The following ADAM7 variants were observed in gnomAD, a reference collection of about 807,000 sequenced individuals.
ADAM7 encodes disintegrin and metalloproteinase domain-containing protein 7.
A neutral mutation model predicts 102.9 loss-of-function variants in ADAM7; 97 were observed. That is an observed-to-expected ratio of 0.94 (90% CI 0.80 to 1.12). ADAM7 has a LOEUF of 1.12. Ranked by LOEUF, ADAM7 falls within the 50% of genes most tolerant of loss-of-function variation. The probability of loss-of-function intolerance (pLI) is 0.00; values close to 1 mark genes in which losing one functional copy is unlikely to be tolerated. For missense variants in ADAM7, 991 were observed against 908.7 expected, an observed-to-expected ratio of 1.09 and a Z score of -1.16; for synonymous variants, 334 against 304.4, an observed-to-expected ratio of 1.10 and a Z score of -1.01.
intron 7 of ADAM7, among the ~76,000 whole-genome samples, chr8:24,472,094 T>A: frequency 7.9e-6 from 1 of 126,910 alleles, no homozygotes. Context: ...AATATGAAAA[T>A]ACCTAACAAC....
At chr8:24,489,107 C>T (rs199646757) in intron 11 of ADAM7, 52 bp from the exon 12 acceptor site, 180 of 1,498,508 alleles carry the variant, frequency 1.2e-4, no homozygotes, top group Non-Finnish European at 1.5e-4. Context: ...AGCCACTGTA[C>T]CACTATGCAT....
At chr8:24,463,145 A>G (rs1819306444) in intron 3 of ADAM7, among the ~76,000 whole-genome samples, 1 of 152,210 alleles carries the variant, frequency 6.6e-6, no homozygotes, top group Non-Finnish European at 1.5e-5. Flanking sequence ...GAAGTGTGAA[A>G]TACACCTTAT....
rs754413105 is a variant in ADAM7 at position 24,447,270 on chromosome 8, C to G, written c.233+8C>G. ...TCATCTTCTAAGATCCAGGTAAGTT[C>G]TATTGTGATTCCAGTACCTTATAGA... On this transcript the variant is annotated splice_region_variant and intron_variant, in intron 3 of 21. Transcript: ENST00000175238. 2.7e-6 allele frequency: 4 copies of G among 1,473,706 alleles called. No individual in the cohort carries two copies. In the Admixed American group the frequency reaches 7.7e-5, roughly 28 times the overall value. 91.3% of individuals were successfully genotyped at this position (1,473,706 alleles called of 1,614,324 possible). A position where few individuals can be genotyped will look rare whatever the true frequency, so the allele number is the denominator to read the frequency against.
chr8:24,489,354 C>A (rs2129391012), intron 12 of ADAM7, 21 bp downstream of exon 12: 3 of 1,588,516 alleles, frequency 1.9e-6, no homozygotes, highest in East Asian at 2.3e-5. Context: ...ATGAAGCTAT[C>A]TTTAAATTGC....
intron 16 of ADAM7, among the ~76,000 whole-genome samples, chr8:24,496,313 G>A (rs968194457): frequency 6.6e-6 from 1 of 152,216 alleles, no homozygotes; most frequent in Non-Finnish European, 1.5e-5. Flanking sequence ...TGCTGCAGGG[G>A]CGGGGCCCTC....
At chr8:24,462,668 T>C (rs1355362520) in intron 3 of ADAM7, among the ~76,000 whole-genome samples, 8 of 152,208 alleles carry the variant, frequency 5.3e-5, no homozygotes, top group Non-Finnish European at 1.2e-4. Flanking sequence ...ATGGAATGTC[T>C]GTCTAGTAGT....
At chr8:24,491,408 C>T (rs140031941) in intron 13 of ADAM7, among the ~76,000 whole-genome samples, 64 of 152,264 alleles carry the variant, frequency 4.2e-4, no homozygotes, top group Middle Eastern at 3.4e-3. Flanking sequence ...CAGAACCCAG[C>T]GTAATTAAAT....
chr8:24,455,826 A>G (rs1336013265), intron 3 of ADAM7, among the ~76,000 whole-genome samples: 1 of 152,246 alleles, frequency 6.6e-6, no homozygotes, highest in Non-Finnish European at 1.5e-5. Context: ...GTATGCATGC[A>G]TGTATTCACT....
intron 3 of ADAM7, among the ~76,000 whole-genome samples, chr8:24,450,037 G>A (rs1420887142): frequency 6.6e-6 from 1 of 152,180 alleles, no homozygotes; most frequent in Non-Finnish European, 1.5e-5. Context: ...GTACCATGCT[G>A]TTTTGGTTAC....
At chr8:24,454,018 C>A (rs1270707825) in intron 3 of ADAM7, among the ~76,000 whole-genome samples, 1 of 152,180 alleles carries the variant, frequency 6.6e-6, no homozygotes, top group Non-Finnish European at 1.5e-5. Flanking sequence ...GAAGTTTTGT[C>A]TCAGAGGAGT....
chr8:24,455,037 AC>A (rs1818977565), intron 3 of ADAM7, among the ~76,000 whole-genome samples: 1 of 152,100 alleles, frequency 6.6e-6, no homozygotes, highest in Admixed American at 6.6e-5. Flanking sequence ...CTACTATACA[AC>A]CAAGCAGTTT....
intron 3 of ADAM7, among the ~76,000 whole-genome samples, chr8:24,455,704 C>G (rs911559337): frequency 6.6e-6 from 1 of 152,190 alleles, no homozygotes; most frequent in Admixed American, 6.5e-5. Context: ...CTGCACCCAG[C>G]CTAATATAGG....
chr8:24,451,245 C>G (rs1818776523), intron 3 of ADAM7, among the ~76,000 whole-genome samples: 1 of 151,840 alleles, frequency 6.6e-6, no homozygotes, highest in African/African-American at 2.4e-5. Flanking sequence ...CTCCTTGTAC[C>G]TCTGGTAGAA....
At chr8:24,461,467 C>T (rs999537264) in intron 3 of ADAM7, among the ~76,000 whole-genome samples, 3 of 152,068 alleles carry the variant, frequency 2.0e-5, no homozygotes, top group Non-Finnish European at 4.4e-5. Context: ...CTCTGCAATC[C>T]GACAGTGATG....
chr8:24,475,116 G>A (rs2129385661), intron 7 of ADAM7, among the ~76,000 whole-genome samples: 1 of 152,240 alleles, frequency 6.6e-6, no homozygotes, highest in East Asian at 1.9e-4. Flanking sequence ...GAACACAAAT[G>A]TCTGAATCCT....
chr8:24,496,771 A>C (rs1248517856), intron 16 of ADAM7, among the ~76,000 whole-genome samples: 1 of 152,216 alleles, frequency 6.6e-6, no homozygotes, highest in Non-Finnish European at 1.5e-5. Flanking sequence ...CATTGTGTCC[A>C]GAAAGTAAGT....
At chr8:24,488,683 A>T (rs989719381) in intron 11 of ADAM7, among the ~76,000 whole-genome samples, 9 of 152,172 alleles carry the variant, frequency 5.9e-5, no homozygotes, top group Non-Finnish European at 1.3e-4. Context: ...AGTATATTAC[A>T]TTCCTATGGA....
chr8:24,486,216 G>T (rs554832783), intron 10 of ADAM7, among the ~76,000 whole-genome samples: 1 of 152,170 alleles, frequency 6.6e-6, no homozygotes, highest in South Asian at 2.1e-4. Context: ...GACCAAATTA[G>T]GTATGTTTTA....
intron 3 of ADAM7, among the ~76,000 whole-genome samples, chr8:24,454,204 G>C (rs1207465078): frequency 1.3e-5 from 2 of 152,252 alleles, no homozygotes; most frequent in Non-Finnish European, 2.9e-5. Context: ...GGACATTTAA[G>C]TCTGCAGAGG....
Sources: allele counts gnomAD v4.1 joint callset (sites outside exome capture counted in the v4.1 genomes callset), GRCh38; gene constraint gnomAD v4.1.1; transcripts MANE v1.5; gene names NCBI Gene and HGNC (gene_info 2026-07-23, HGNC 2026-07-21).